ASCC3: variants seen among roughly 807,000 people sequenced by gnomAD.
ASCC3 encodes the protein activating signal cointegrator 1 complex subunit 3, also known as ASC-1 complex subunit P200.
In ASCC3, 158 loss-of-function variants were observed where a neutral mutation model predicts 256.3. That is an observed-to-expected ratio of 0.62 (90% CI 0.54 to 0.70). The LOEUF (loss-of-function observed/expected upper bound fraction) is 0.70. Ranked by LOEUF, ASCC3 falls within the 30% of genes least tolerant of loss-of-function variation. ASCC3 has a pLI of 0.00. For synonymous variants in ASCC3, 948 were observed against 883.4 expected (o/e 1.07, Z -1.30); for missense variants, 2,259 against 2,626.0 (o/e 0.86, Z 3.05).
intron 18 of ASCC3, among the ~76,000 whole-genome samples, 191 bp downstream of exon 18, chr6:100,652,534 A>G (rs1417002508): frequency 1.3e-5 from 2 of 152,134 alleles, no homozygotes; most frequent in Non-Finnish European, 2.9e-5. Context: ...ATTGAATAGG[A>G]TGACAAGAGG....
intron 10 of ASCC3, among the ~76,000 whole-genome samples, chr6:100,739,466 G>C (rs1476031477): frequency 1.3e-5 from 2 of 152,188 alleles, no homozygotes; most frequent in Non-Finnish European, 2.9e-5. Context: ...AAATGAGTTA[G>C]GGAGGAGTCC....
At chr6:100,651,731 T>A in intron 18 of ASCC3, 85 bp from the exon 19 acceptor site, 1 of 704,496 alleles carries the variant, frequency 1.4e-6, no homozygotes, top group Non-Finnish European at 2.1e-6. Flanking sequence ...TTACACATTT[T>A]AAAAGAAATT....
intron 1 of ASCC3, among the ~76,000 whole-genome samples, chr6:100,878,597 T>C (rs1234518670): frequency 6.6e-6 from 1 of 152,154 alleles, no homozygotes; most frequent in African/African-American, 2.4e-5. Flanking sequence ...TATTAGGCAG[T>C]ATGTATTATA....
chr6:100,784,178 AAACT>A (rs1175842446), intron 8 of ASCC3, among the ~76,000 whole-genome samples: 1 of 152,174 alleles, frequency 6.6e-6, no homozygotes, highest in Non-Finnish European at 1.5e-5. Flanking sequence ...ATAATTTATA[AAACT>A]AAATATGAAA....
chr6:100,800,193 T>G, intron 6 of ASCC3, 107 bp downstream of exon 6: 2 of 1,228,860 alleles, frequency 1.6e-6, no homozygotes, highest in Non-Finnish European at 2.3e-6. Flanking sequence ...AAAACGTGAC[T>G]TGAAGTAAAA....
Position 100,654,453 on chromosome 6 carries a change from G to C in ASCC3, c.2823+1246C>G, listed in dbSNP as rs1185064672. 2.6e-5 allele frequency among the ~76,000 whole-genome samples: 4 copies of C among 152,130 alleles called. No individual in the cohort carries two copies. In the East Asian group the frequency reaches 7.7e-4, roughly 29 times the overall value. On this transcript the variant is annotated intron_variant, in intron 17 of 41. Coordinates refer to ENST00000369162, the MANE Select transcript of ASCC3 (RefSeq NM_006828.4). Reference sequence around the variant, plus strand: ...ATGTATTTATCTTGTTCCAAAATTTGAGATGGCTTAGTCCGTAAAAATAAA... The same window carrying C: ...ATGTATTTATCTTGTTCCAAAATTTCAGATGGCTTAGTCCGTAAAAATAAA...
intron 10 of ASCC3, among the ~76,000 whole-genome samples, chr6:100,751,488 C>T (rs1303668609): frequency 6.6e-6 from 1 of 151,820 alleles, no homozygotes; most frequent in Non-Finnish European, 1.5e-5. Context: ...ATGCTTCTGG[C>T]TTCCCAGTGT....
chr6:100,660,033 C>A (rs1776115477), intron 16 of ASCC3, among the ~76,000 whole-genome samples: 1 of 151,460 alleles, frequency 6.6e-6, no homozygotes, highest in Non-Finnish European at 1.5e-5. Context: ...ATGAAAGAAC[C>A]ATGCCTTTTA....
intron 13 of ASCC3, among the ~76,000 whole-genome samples, chr6:100,695,934 C>T (rs1778061379): frequency 6.6e-6 from 1 of 152,148 alleles, no homozygotes. Context: ...TGGCAGGCTA[C>T]CTTTTAGTAT....
At chr6:100,867,812 T>G (rs1171224111) in intron 2 of ASCC3, 96 bp downstream of exon 2, 1 of 1,095,072 alleles carries the variant, frequency 9.1e-7, no homozygotes, top group Non-Finnish European at 1.4e-6. Context: ...AAAACTTCCA[T>G]GTTAACCACA....
At chr6:100,792,310 T>G (rs1310715169) in intron 8 of ASCC3, among the ~76,000 whole-genome samples, 2 of 151,954 alleles carry the variant, frequency 1.3e-5, no homozygotes, top group Non-Finnish European at 2.9e-5. Context: ...TACATCTGAA[T>G]AATTTATTGA....
chr6:100,540,101 G>A, intron 37 of ASCC3, 62 bp downstream of exon 37: 1 of 1,466,226 alleles, frequency 6.8e-7, no homozygotes, highest in South Asian at 1.1e-5. Context: ...CCTAAAACTA[G>A]AAAAAAGAGG....
intron 36 of ASCC3, among the ~76,000 whole-genome samples, chr6:100,580,452 G>C (rs1484468432): frequency 6.6e-6 from 1 of 151,644 alleles, no homozygotes; most frequent in Non-Finnish European, 1.5e-5. Flanking sequence ...AGAAATGTTT[G>C]GTAAAAGTGA....
intron 8 of ASCC3, among the ~76,000 whole-genome samples, chr6:100,774,830 A>G (rs1189192019): frequency 6.6e-6 from 1 of 152,162 alleles, no homozygotes. Flanking sequence ...AGGAAGAAAA[A>G]GGCATGTTTA....
At position 100,517,997 on chromosome 6, in the gene ASCC3, A is replaced by T. The variant is rs759339081; in HGVS notation, c.5921T>A (p.Leu1974His). ...LPNIENHHLHLFKKWKPIMKG... is the reference protein window; with the variant it reads ...LPNIENHHLHHFKKWKPIMKG... ...TGAAAAGTAAAACAATTACTTGAAA[A>T]GGTGAAGATGATGGTTTTCTATGTT... The change falls in exon 38 of 42, where the codon CTT (leucine) becomes CAT (histidine). Residue 1974 changes from leucine (L) to histidine (H), a missense_variant. By Grantham distance (99) the Leu-to-His change is moderately conservative. This residue lies in a region of ASCC3 where 1,839 missense variants were observed against 2,206.7 expected (regional missense o/e 0.83). Coordinates refer to ENST00000369162, the MANE Select transcript of ASCC3 (RefSeq NM_006828.4). 3 of 1,613,200 alleles carry T rather than the reference A, an allele frequency of 1.9e-6. No individual in the cohort carries two copies. Among genetic ancestry groups the T allele is most frequent in the South Asian group, 2.2e-5 (2 of 91,036 alleles).
At chr6:100,791,138 T>C (rs892450036) in intron 8 of ASCC3, among the ~76,000 whole-genome samples, 2 of 151,872 alleles carry the variant, frequency 1.3e-5, no homozygotes, top group African/African-American at 4.8e-5. Context: ...GATTATCCAA[T>C]ATATCATTTT....
chr6:100,745,488 A>G (rs1384450839), intron 10 of ASCC3, among the ~76,000 whole-genome samples: 1 of 104,902 alleles, frequency 9.5e-6, no homozygotes, highest in African/African-American at 3.6e-5. Flanking sequence ...CTTGGTCTCA[A>G]AAAAAAAAAC....
intron 4 of ASCC3, among the ~76,000 whole-genome samples, chr6:100,847,466 C>T (rs917954653): frequency 2.0e-5 from 3 of 152,066 alleles, no homozygotes; most frequent in Non-Finnish European, 4.4e-5. Context: ...CCTCCAATAC[C>T]TACTTAGCTA....
intron 36 of ASCC3, among the ~76,000 whole-genome samples, chr6:100,583,152 G>A (rs1364923967): frequency 6.6e-6 from 1 of 152,196 alleles, no homozygotes; most frequent in African/African-American, 2.4e-5. Flanking sequence ...AATAGTTTCA[G>A]AAGGAATGGT....
Sources: allele counts gnomAD v4.1 joint callset (sites outside exome capture counted in the v4.1 genomes callset), GRCh38; gene constraint gnomAD v4.1.1; regional missense constraint gnomAD v4.1.1; transcripts MANE v1.5; gene names NCBI Gene and HGNC (gene_info 2026-07-23, HGNC 2026-07-21).